Variants in PDGFD observed in about 807,000 individuals in gnomAD.
PDGFD encodes the protein platelet derived growth factor D, also known as platelet-derived growth factor D.
PDGFD carries 30 observed loss-of-function variants against 44.7 expected under a neutral mutation model. The observed-to-expected ratio is 0.67, with a 90% CI of 0.50 to 0.91. PDGFD has a LOEUF of 0.91. PDGFD is among the 40% of genes least tolerant of loss of function. PDGFD has a pLI of 0.00. For missense variants in PDGFD, 445 were observed against 457.8 expected (o/e 0.97, Z 0.25); for synonymous variants, 173 against 168.4 (o/e 1.03, Z -0.21).
At chr11:104,064,461 G>T (rs1220667191) in intron 1 of PDGFD, among the ~76,000 whole-genome samples, 9 of 152,152 alleles carry the variant, frequency 5.9e-5, no homozygotes, top group African/African-American at 2.2e-4. Context: ...CCTTGCTCAG[G>T]CGGAGACGGA....
At chr11:104,153,527 G>A (rs907554428) in intron 1 of PDGFD, among the ~76,000 whole-genome samples, 4 of 152,130 alleles carry the variant, frequency 2.6e-5, no homozygotes, top group Non-Finnish European at 5.9e-5. Flanking sequence ...AGGCTACACA[G>A]AGTGGTGCAA....
intron 1 of PDGFD, among the ~76,000 whole-genome samples, chr11:104,030,513 T>C: frequency 6.6e-6 from 1 of 152,182 alleles, no homozygotes; most frequent in Non-Finnish European, 1.5e-5. Flanking sequence ...AAAGACTACC[T>C]CTTCACTACC....
intron 1 of PDGFD, 28 bp downstream of exon 1, chr11:104,163,776 C>A: frequency 6.7e-7 from 1 of 1,493,670 alleles, no homozygotes; most frequent in South Asian, 1.4e-5. Flanking sequence ...ATTTTTTTTT[C>A]AGTTAAAAAA....
rs542379264 is a variant in PDGFD, at chr11:104,065,828, G to T, written c.125-65573C>A. 2.6e-5 allele frequency among the ~76,000 whole-genome samples: 4 copies of T among 152,082 alleles called. No individual in the cohort carries two copies. The South Asian group carries it at 8.3e-4, about 32-fold the overall frequency. Reference sequence around the variant, plus strand: ...TGTATGTATGCTACAGCAAAACTTTGCTAAAATGCTGAATACATTTTCTAG... The same window carrying T: ...TGTATGTATGCTACAGCAAAACTTTTCTAAAATGCTGAATACATTTTCTAG... On this transcript the variant is annotated intron_variant, in intron 1 of 6. Transcript: ENST00000393158.
intron 5 of PDGFD, among the ~76,000 whole-genome samples, chr11:103,932,744 T>C (rs976607693): frequency 4.6e-5 from 7 of 152,238 alleles, no homozygotes; most frequent in African/African-American, 1.7e-4. Flanking sequence ...CACTCAATAA[T>C]TACTACCTGA....
At chr11:103,938,765 C>T (rs1324606863) in intron 5 of PDGFD, among the ~76,000 whole-genome samples, 3 of 152,176 alleles carry the variant, frequency 2.0e-5, no homozygotes, top group East Asian at 3.8e-4. Context: ...TTTCAGCTTT[C>T]TACATAGGGC....
chr11:104,015,225 A>C (rs1316649492), intron 1 of PDGFD, among the ~76,000 whole-genome samples: 1 of 152,246 alleles, frequency 6.6e-6, no homozygotes, highest in Non-Finnish European at 1.5e-5. Flanking sequence ...TCTAAGTTTC[A>C]AATTTAGCTA....
In PDGFD at chr11:103,926,961, C is replaced by T; in HGVS notation, c.938G>A (p.Trp313Ter). 1 of 1,614,174 alleles carries T rather than the reference C, an allele frequency of 6.2e-7. No homozygotes were observed. Among genetic ancestry groups the T allele is most frequent in the Non-Finnish European group, 8.5e-7 (1 of 1,180,032 alleles). Reference protein sequence around the residue: ...GGNCGCGTVNWRSCTCNSGKT... With the variant: ...GGNCGCGTVN Reference sequence around the variant, plus strand: ...CCCTGAATTGCATGTGCAGGACCTCCAGTTGACAGTTCCACAGCCACAATT... The same window carrying T: ...CCCTGAATTGCATGTGCAGGACCTCTAGTTGACAGTTCCACAGCCACAATT... The change falls in exon 6 of 7, where the codon TGG (tryptophan) becomes TAG (stop). Residue 313 changes from tryptophan (W) to a stop codon, truncating the protein, a stop_gained. Transcript: ENST00000393158. LOFTEE classifies it high-confidence loss of function.
In PDGFD at chr11:104,116,047, G is replaced by A. The variant is rs574164491; in HGVS notation, c.124+47757C>T. Among the ~76,000 whole-genome samples the A allele has an allele frequency of 8.6e-5, 13 of 151,912 alleles. No homozygotes were observed. The Middle Eastern group carries it at 0.014, about 159-fold the overall frequency. ...TGCTCTTTAGTTTAATTAAGTCCCA[G>A]CTACTTATCTTTGTTTTTATTGCAA... On this transcript the variant is annotated intron_variant, in intron 1 of 6. Coordinates refer to ENST00000393158, the MANE Select transcript of PDGFD (RefSeq NM_025208.5).
chr11:103,958,380 T>C (rs1230250310), intron 3 of PDGFD, among the ~76,000 whole-genome samples: 1 of 152,202 alleles, frequency 6.6e-6, no homozygotes, highest in African/African-American at 2.4e-5. Flanking sequence ...ATTCCTTAAA[T>C]GCATTTCAAA....
Position 103,943,220 on chromosome 11 carries a change from T to A in PDGFD, c.772+232A>T, listed in dbSNP as rs186312915. Reference sequence around the variant, plus strand: ...TGAAATGATCCAAAATCCAAAACTTTTTGAGCACCAACATGATTCTCAAAG... The same window carrying A: ...TGAAATGATCCAAAATCCAAAACTTATTGAGCACCAACATGATTCTCAAAG... On this transcript the variant is annotated intron_variant, in intron 5 of 6. Coordinates refer to ENST00000393158, the MANE Select transcript of PDGFD (RefSeq NM_025208.5). 6.6e-5 allele frequency among the ~76,000 whole-genome samples: 10 copies of A among 152,240 alleles called. No homozygotes were observed. The East Asian group carries it at 1.4e-3, about 21-fold the overall frequency.
At position 104,041,804 on chromosome 11, in the gene PDGFD, G is replaced by A. The variant is rs80049479; in HGVS notation, c.125-41549C>T. On this transcript the variant is annotated intron_variant, in intron 1 of 6. Transcript: ENST00000393158. ...CATAAAAATTTTCTTGTTTCTAGGG[G>A]GAAATCTGTTCTGCAAAAAGAAAAA... Among the ~76,000 whole-genome samples, 347 of 152,228 alleles carry A rather than the reference G, an allele frequency of 2.3e-3. 14 individuals carry two copies. The East Asian group carries it at 0.056, about 25-fold the overall frequency.
chr11:103,967,965 G>A (rs908337326), intron 3 of PDGFD, among the ~76,000 whole-genome samples: 3 of 152,092 alleles, frequency 2.0e-5, no homozygotes, highest in Non-Finnish European at 4.4e-5. Context: ...TGGCAGCCTG[G>A]TTCTTGCTCC....
intron 5 of PDGFD, among the ~76,000 whole-genome samples, chr11:103,942,836 C>T (rs990342282): frequency 1.3e-5 from 2 of 152,118 alleles, no homozygotes; most frequent in Non-Finnish European, 2.9e-5. Context: ...TTCTTCATTG[C>T]TAACTAACCA....
intron 1 of PDGFD, among the ~76,000 whole-genome samples, chr11:104,084,802 T>C (rs1283555682): frequency 2.1e-5 from 3 of 146,214 alleles, no homozygotes; most frequent in Admixed American, 1.4e-4. Context: ...AAATATATAT[T>C]TTATAAGTAT....
chr11:104,093,202 T>C (rs1186354631), intron 1 of PDGFD, among the ~76,000 whole-genome samples: 1 of 152,026 alleles, frequency 6.6e-6, no homozygotes, highest in Non-Finnish European at 1.5e-5. Context: ...GGTTTCAAGA[T>C]GAAAAGTTAC....
chr11:104,094,560 C>A, intron 1 of PDGFD, among the ~76,000 whole-genome samples: 1 of 152,094 alleles, frequency 6.6e-6, no homozygotes, highest in South Asian at 2.1e-4. Flanking sequence ...GTATTATTAT[C>A]TACCCAGCTG....
At chr11:104,133,601 T>G (rs1345281190) in intron 1 of PDGFD, among the ~76,000 whole-genome samples, 1 of 152,182 alleles carries the variant, frequency 6.6e-6, no homozygotes, top group Non-Finnish European at 1.5e-5. Flanking sequence ...CTATCCTCCC[T>G]TAGGATCTTA....
intron 1 of PDGFD, among the ~76,000 whole-genome samples, chr11:104,102,186 A>C (rs1861395101): frequency 1.3e-5 from 2 of 152,248 alleles, no homozygotes; most frequent in African/African-American, 2.4e-5. Flanking sequence ...CATCTGACAA[A>C]GGGCTAATAT....
Sources: allele counts gnomAD v4.1 joint callset (sites outside exome capture counted in the v4.1 genomes callset), GRCh38; gene constraint gnomAD v4.1.1; transcripts MANE v1.5; gene names NCBI Gene and HGNC (gene_info 2026-07-23, HGNC 2026-07-21).